RANBP17: variants seen among roughly 807,000 people sequenced by gnomAD.
The protein encoded by RANBP17 is RAN binding protein 17, also known as ran-binding protein 17.
A neutral mutation model predicts 141.2 loss-of-function variants in RANBP17; 158 were observed. The ratio of observed to expected loss-of-function variants is 1.12; its 90% CI spans 0.98 to 1.28. The LOEUF (loss-of-function observed/expected upper bound fraction) is 1.28, where lower values mean the gene tolerates loss of function less well. Ranked by LOEUF, RANBP17 falls within the 50% of genes most tolerant of loss-of-function variation. RANBP17 has a pLI of 0.00. For synonymous variants in RANBP17, 430 were observed against 450.0 expected, an observed-to-expected ratio of 0.96 and a Z score of 0.56; for missense variants, 1,438 against 1,290.7, an observed-to-expected ratio of 1.11 and a Z score of -1.75.
chr5:171,226,980 T>C (rs749296946), intron 22 of RANBP17, among the ~76,000 whole-genome samples: 2 of 152,190 alleles, frequency 1.3e-5, no homozygotes, highest in African/African-American at 4.8e-5. Flanking sequence ...TTAATAAATG[T>C]GTATTCTGAC....
intron 14 of RANBP17, among the ~76,000 whole-genome samples, chr5:171,153,083 G>A (rs939566320): frequency 1.9e-4 from 29 of 152,170 alleles, no homozygotes; most frequent in African/African-American, 6.8e-4. Context: ...TACATATCTT[G>A]TATCTGTCAT....
At chr5:171,125,484 A>G (rs1756381962) in intron 14 of RANBP17, among the ~76,000 whole-genome samples, 1 of 152,146 alleles carries the variant, frequency 6.6e-6, no homozygotes. Flanking sequence ...TTGTAAATAT[A>G]TATGCACTCA....
At chr5:170,896,241 T>G in intron 5 of RANBP17, 126 bp downstream of exon 5, 2 of 637,966 alleles carry the variant, frequency 3.1e-6, no homozygotes. Context: ...ATAATCAAGT[T>G]TTTTGTGTGT....
intron 14 of RANBP17, among the ~76,000 whole-genome samples, chr5:171,078,231 C>G (rs1785060888): frequency 6.7e-6 from 1 of 150,072 alleles, no homozygotes; most frequent in Non-Finnish European, 1.5e-5. Context: ...CTCCTGGGTT[C>G]AAGTGATTTT....
At chr5:171,054,956 GC>G (rs372643231) in intron 14 of RANBP17, among the ~76,000 whole-genome samples, 370 of 152,226 alleles carry the variant, frequency 2.4e-3, no homozygotes, top group African/African-American at 8.2e-3. Context: ...TATGCTGAGG[GC>G]CATTCATAAC....
intron 14 of RANBP17, among the ~76,000 whole-genome samples, chr5:171,016,530 T>C (rs1780444613): frequency 6.6e-6 from 1 of 152,026 alleles, no homozygotes; most frequent in African/African-American, 2.4e-5. Context: ...TTTTCCTTTA[T>C]ATATATTTTT....
chr5:171,035,736 TG>T lies in RANBP17; in HGVS notation c.1710+67360del, dbSNP rs375685467. ...TGTTTGCACTGTTTGTTTCTTTTTTTGTTTTTTTTTTTTTTTTTTTAAGTAA... is the reference window on the plus strand; with the variant it reads ...TGTTTGCACTGTTTGTTTCTTTTTTTTTTTTTTTTTTTTTTTTTTAAGTAA... On this transcript the variant is annotated intron_variant, in intron 14 of 27. Transcript: ENST00000523189. Among the ~76,000 whole-genome samples the T allele has an allele frequency of 6.9e-4, 94 of 136,814 alleles. 1 individual carries two copies. The highest frequency in any genetic ancestry group is 6.3e-3 in the South Asian group (28 of 4,466). 89.8% of individuals were successfully genotyped at this position (136,814 alleles called of 152,430 possible). A position where few individuals can be genotyped will look rare whatever the true frequency, so the allele number is the denominator to read the frequency against.
chr5:171,212,763 G>C (rs930663093), intron 20 of RANBP17, among the ~76,000 whole-genome samples: 17 of 152,136 alleles, frequency 1.1e-4, no homozygotes, highest in African/African-American at 4.1e-4. Flanking sequence ...GAAAAGAAAA[G>C]AGAAATTAAG....
intron 14 of RANBP17, among the ~76,000 whole-genome samples, chr5:171,022,139 A>G (rs1780903160): frequency 1.3e-5 from 2 of 152,128 alleles, no homozygotes; most frequent in East Asian, 3.9e-4. Flanking sequence ...GTCACTCAAC[A>G]AGGCTGGAGA....
At chr5:170,944,270 TAAGA>T (rs1236290825) in intron 12 of RANBP17, among the ~76,000 whole-genome samples, 5 of 152,232 alleles carry the variant, frequency 3.3e-5, no homozygotes, top group Non-Finnish European at 7.3e-5. Flanking sequence ...GACAGCTTAA[TAAGA>T]ACGTCTTTTT....
In RANBP17 at chr5:171,283,064, CCTGA is replaced by C. The variant is rs561679293; in HGVS notation, c.2944-10815_2944-10812del. Among the ~76,000 whole-genome samples, 360 of 152,246 alleles carry C rather than the reference CCTGA, an allele frequency of 2.4e-3. 3 individuals carry two copies. The highest frequency in any genetic ancestry group is 7.3e-3 in the African/African-American group (305 of 41,538). On this transcript the variant is annotated intron_variant, in intron 25 of 27. Coordinates refer to ENST00000523189, the MANE Select transcript of RANBP17 (RefSeq NM_022897.5). ...TTGCACCTGCTTGCCCTTCTTCCTA[CCTGA>C]CTGTCAAACTTCTCTTATTCTCAAC...
intron 12 of RANBP17, among the ~76,000 whole-genome samples, chr5:170,932,891 A>G (rs1019822520): frequency 4.0e-5 from 6 of 151,820 alleles, no homozygotes; most frequent in Non-Finnish European, 8.8e-5. Flanking sequence ...TTGTGTCTCT[A>G]CCAGGCTTTG....
At chr5:171,182,802 A>T (rs1300574704) in intron 16 of RANBP17, among the ~76,000 whole-genome samples, 1 of 135,876 alleles carries the variant, frequency 7.4e-6, no homozygotes, top group Non-Finnish European at 1.6e-5. Context: ...CTTTTATAAA[A>T]TTATTTCATT....
intron 3 of RANBP17, among the ~76,000 whole-genome samples, chr5:170,886,503 G>T (rs1769162864): frequency 6.6e-6 from 1 of 152,054 alleles, no homozygotes; most frequent in South Asian, 2.1e-4. Context: ...TACAATCTAA[G>T]CGTGTGTGTA....
intron 25 of RANBP17, among the ~76,000 whole-genome samples, chr5:171,283,216 C>T (rs900531715): frequency 6.6e-6 from 1 of 152,210 alleles, no homozygotes; most frequent in Non-Finnish European, 1.5e-5. Context: ...GCCACTTAAA[C>T]TGTATCTTCT....
Position 170,906,445 on chromosome 5 carries a change from C to G in RANBP17, c.490-3216C>G, listed in dbSNP as rs564827891. Among the ~76,000 whole-genome samples, 10 of 151,978 alleles carry G rather than the reference C, an allele frequency of 6.6e-5. No individual in the cohort carries two copies. The East Asian group carries it at 1.9e-3, about 29-fold the overall frequency. ...AAATATCACAGAAATGATACTGTGC[C>G]CATCTCCTTGCCTCCTATCAGGAAG... is the stretch of plus-strand genomic sequence containing the variant. On this transcript the variant is annotated intron_variant, in intron 5 of 27. Coordinates refer to ENST00000523189, the MANE Select transcript of RANBP17 (RefSeq NM_022897.5).
At chr5:171,254,914 A>G (rs1333106972) in intron 24 of RANBP17, among the ~76,000 whole-genome samples, 1 of 152,198 alleles carries the variant, frequency 6.6e-6, no homozygotes, top group Non-Finnish European at 1.5e-5. Flanking sequence ...GCTATTATTA[A>G]CATTTATTAT....
chr5:170,972,409 C>A (rs1160594854), intron 14 of RANBP17, among the ~76,000 whole-genome samples: 1 of 152,060 alleles, frequency 6.6e-6, no homozygotes, highest in Non-Finnish European at 1.5e-5. Context: ...GTTTCGAACT[C>A]CTGACCTCAG....
intron 1 of RANBP17, chr5:170,867,128 G>A (rs1422149): frequency 0.63 from 95,891 of 151,954 alleles, 31,198 homozygotes; most frequent in South Asian, 0.9. Flanking sequence ...TGGGCAACAT[G>A]GCAAGACCCT....
Sources: gnomAD v4.1 joint callset for allele counts (sites outside exome capture counted in the v4.1 genomes callset) on GRCh38, gnomAD v4.1.1 for gene constraint, MANE v1.5 for transcripts, NCBI Gene and HGNC (gene_info 2026-07-23, HGNC 2026-07-21) for gene names.